SHPK: variants seen among roughly 807,000 people sequenced by gnomAD.
SHPK encodes sedoheptulokinase.
Under a neutral mutation model 46.3 loss-of-function variants are expected in SHPK, and 51 were observed. The observed-to-expected ratio is 1.10, with a 90% CI of 0.88 to 1.39. The LOEUF (loss-of-function observed/expected upper bound fraction) is 1.39, where lower values mean the gene tolerates loss of function less well. Ranked by LOEUF, SHPK falls within the 40% of genes most tolerant of loss-of-function variation. The probability of loss-of-function intolerance (pLI) is 0.00; values close to 1 mark genes in which losing one functional copy is unlikely to be tolerated. For synonymous variants in SHPK, 290 were observed against 273.9 expected, an observed-to-expected ratio of 1.06 and a Z score of -0.58; for missense variants, 668 against 641.3, an observed-to-expected ratio of 1.04 and a Z score of -0.45.
intron 1 of SHPK, among the ~76,000 whole-genome samples, chr17:3,631,606 T>G (rs2075472896): frequency 7.7e-6 from 1 of 129,262 alleles, no homozygotes; most frequent in African/African-American, 2.8e-5. Flanking sequence ...CACTGCAACC[T>G]CTGCCTCCCA....
At chr17:3,612,841 T>C (rs945917887) in intron 6 of SHPK, among the ~76,000 whole-genome samples, 1 of 150,932 alleles carries the variant, frequency 6.6e-6, no homozygotes, top group Non-Finnish European at 1.5e-5. Context: ...AACCTCTGCC[T>C]CCCAGGTTCA....
chr17:3,619,205 C>T (rs750997639), intron 5 of SHPK: 34 of 494,066 alleles, frequency 6.9e-5, no homozygotes, highest in Non-Finnish European at 9.7e-5. Flanking sequence ...CTTCAGCCTA[C>T]GTTGCAGCTA....
At chr17:3,611,758 C>T (rs1026669991) in intron 6 of SHPK, among the ~76,000 whole-genome samples, 3 of 151,174 alleles carry the variant, frequency 2.0e-5, no homozygotes, top group African/African-American at 7.3e-5. Flanking sequence ...GCCAGAATCC[C>T]GATCGGACTT....
chr17:3,614,334 C>G (rs574256207), intron 6 of SHPK, among the ~76,000 whole-genome samples: 1 of 151,390 alleles, frequency 6.6e-6, no homozygotes, highest in African/African-American at 2.4e-5. Context: ...ACCATCCTGG[C>G]TAACACGGTG....
chr17:3,632,354 CAGG>C (rs1214506404), intron 1 of SHPK, among the ~76,000 whole-genome samples: 3 of 152,322 alleles, frequency 2.0e-5, no homozygotes, highest in Non-Finnish European at 2.9e-5. Flanking sequence ...AAGGTTGAAG[CAGG>C]AGATCACTTG....
At chr17:3,622,830 G>T (rs1031732076) in intron 4 of SHPK, among the ~76,000 whole-genome samples, 2 of 151,016 alleles carry the variant, frequency 1.3e-5, no homozygotes, top group African/African-American at 4.9e-5. Context: ...TCAGCCTCCA[G>T]AGTAGCTGGG....
chr17:3,623,193 G>T, intron 4 of SHPK, 146 bp downstream of exon 4: 1 of 856,984 alleles, frequency 1.2e-6, no homozygotes, highest in Non-Finnish European at 1.9e-6. Flanking sequence ...CCGTGTCTGG[G>T]ACAGGCCAGG....
intron 1 of SHPK, among the ~76,000 whole-genome samples, chr17:3,632,350 G>C (rs1456311333): frequency 6.6e-6 from 1 of 152,208 alleles, no homozygotes; most frequent in Non-Finnish European, 1.5e-5. Context: ...TGGGAAGGTT[G>C]AAGCAGGAGA....
intron 4 of SHPK, 94 bp from the exon 5 acceptor site, chr17:3,621,506 T>TCCTCCCTCCCTTCTTCCTTTCCTTTCCTC: frequency 8.5e-7 from 1 of 1,173,256 alleles, no homozygotes; most frequent in Non-Finnish European, 1.2e-6. Flanking sequence ...TTCTCTCCAT[T>TCCTCCCTCCCTTCTTCCTTTCCTTTCCTC]CCTCCCTCCC....
intron 5 of SHPK, chr17:3,619,368 C>T (rs1308675239): frequency 6.7e-7 from 1 of 1,499,882 alleles, no homozygotes; most frequent in East Asian, 2.3e-5. Flanking sequence ...TACATTGAAC[C>T]ATTCCGGGTG....
intron 5 of SHPK, among the ~76,000 whole-genome samples, chr17:3,621,000 G>A: frequency 6.6e-6 from 1 of 152,222 alleles, no homozygotes; most frequent in East Asian, 1.9e-4. Context: ...AGCCCCAGAG[G>A]TGGTCAGCAC....
intron 6 of SHPK, among the ~76,000 whole-genome samples, chr17:3,612,633 T>C (rs575576660): frequency 6.6e-6 from 1 of 152,146 alleles, no homozygotes; most frequent in African/African-American, 2.4e-5. Context: ...GGCTGGAATT[T>C]GTAAACACTT....
chr17:3,613,814 C>G (rs1473154662), intron 6 of SHPK, among the ~76,000 whole-genome samples: 1 of 152,140 alleles, frequency 6.6e-6, no homozygotes, highest in Non-Finnish European at 1.5e-5. Flanking sequence ...CCCGCCTCGG[C>G]CTCCTGAGTA....
At chr17:3,617,734 G>T (rs2150868663) in intron 5 of SHPK, among the ~76,000 whole-genome samples, 1 of 152,134 alleles carries the variant, frequency 6.6e-6, no homozygotes, top group East Asian at 1.9e-4. Context: ...AAAAGTTTCT[G>T]ACCTCTCTTT....
chr17:3,630,085 A>G, intron 2 of SHPK, 120 bp downstream of exon 2: 1 of 1,294,964 alleles, frequency 7.7e-7, no homozygotes, highest in Non-Finnish European at 1.1e-6. Context: ...CCACTCCAAG[A>G]AACAAGACCC....
intron 6 of SHPK, among the ~76,000 whole-genome samples, chr17:3,614,770 C>A (rs927996739): frequency 1.3e-5 from 2 of 151,448 alleles, no homozygotes; most frequent in African/African-American, 4.9e-5. Context: ...ATCCCTTGAA[C>A]CTGGGAGGCG....
At chr17:3,627,295 A>G (rs548719144) in intron 2 of SHPK, among the ~76,000 whole-genome samples, 276 of 152,164 alleles carry the variant, frequency 1.8e-3, no homozygotes, top group African/African-American at 6.3e-3. Context: ...TGGAGTTTGG[A>G]AACAGGCGTA....
At chr17:3,622,134 T>C (rs1303342031) in intron 4 of SHPK, among the ~76,000 whole-genome samples, 4 of 152,152 alleles carry the variant, frequency 2.6e-5, no homozygotes, top group African/African-American at 9.7e-5. Context: ...TTTTTGTTGT[T>C]GTTTGTTTGT....
Position 3,623,338 on chromosome 17 carries a change from C to A in SHPK, c.647+1G>T. ...ACAGCCTGCAAGGATGTGATACTCA[C>A]GTCTCTACGTTCCAGCTTTGGCTCT... On this transcript the variant is annotated splice_donor_variant, in intron 4 of 6. Transcript: ENST00000225519. LOFTEE classifies it high-confidence loss of function. The A allele has an allele frequency of 6.2e-7, 1 of 1,614,110 alleles. No homozygotes were observed. The highest frequency in any genetic ancestry group is 1.1e-5 in the South Asian group (1 of 91,078).
Sources: allele counts gnomAD v4.1 joint callset (sites outside exome capture counted in the v4.1 genomes callset), GRCh38; gene constraint gnomAD v4.1.1; transcripts MANE v1.5; gene names NCBI Gene and HGNC (gene_info 2026-07-23, HGNC 2026-07-21).